The following DNAJC1 variants were observed in gnomAD, a reference collection of about 807,000 sequenced individuals.
DNAJC1 encodes the protein dnaJ homolog subfamily C member 1.
DNAJC1 carries 58 observed loss-of-function variants against 76.6 expected under a neutral mutation model. The ratio of observed to expected loss-of-function variants is 0.76; its 90% confidence interval spans 0.61 to 0.94. DNAJC1 has a LOEUF of 0.94. Among genes scored for constraint, DNAJC1 ranks in the 40% least tolerant of loss-of-function variants. The pLI is 0.00. For synonymous variants in DNAJC1, 258 were observed against 267.9 expected (o/e 0.96, Z 0.36); for missense variants, 689 against 677.3 (o/e 1.02, Z -0.19).
chr10:21,846,419 T>C (rs1835659635), intron 8 of DNAJC1, among the ~76,000 whole-genome samples: 2 of 152,156 alleles, frequency 1.3e-5, no homozygotes, highest in Non-Finnish European at 2.9e-5. Flanking sequence ...ACCAGGTATC[T>C]GGACCATCCC....
chr10:21,927,194 AC>A (rs1426836822), intron 3 of DNAJC1, among the ~76,000 whole-genome samples: 2 of 152,182 alleles, frequency 1.3e-5, no homozygotes, highest in Non-Finnish European at 2.9e-5. Flanking sequence ...TGGTATCTGG[AC>A]CAATGCCAGC....
chr10:21,995,448 A>G (rs1564848342), intron 1 of DNAJC1, among the ~76,000 whole-genome samples: 1 of 152,208 alleles, frequency 6.6e-6, no homozygotes, highest in Non-Finnish European at 1.5e-5. Flanking sequence ...TTAACCAAGG[A>G]AATTACGTCA....
intron 7 of DNAJC1, among the ~76,000 whole-genome samples, chr10:21,893,238 A>C (rs1836486018): frequency 6.6e-6 from 1 of 152,212 alleles, no homozygotes; most frequent in South Asian, 2.1e-4. Flanking sequence ...AACGTCTCTG[A>C]ACATTTGGAA....
chr10:21,767,183 G>A (rs969986830), intron 9 of DNAJC1, among the ~76,000 whole-genome samples: 2 of 152,162 alleles, frequency 1.3e-5, no homozygotes, highest in East Asian at 3.8e-4. Flanking sequence ...AAGAGCATCT[G>A]AGATTGACAT....
chr10:21,888,439 T>C (rs1836403967), intron 7 of DNAJC1, among the ~76,000 whole-genome samples: 1 of 152,192 alleles, frequency 6.6e-6, no homozygotes, highest in Admixed American at 6.5e-5. Flanking sequence ...TGCACACAGA[T>C]GTTCAATGCA....
At chr10:21,978,068 T>C (rs1838093042) in intron 1 of DNAJC1, among the ~76,000 whole-genome samples, 1 of 152,160 alleles carries the variant, frequency 6.6e-6, no homozygotes, top group Admixed American at 6.5e-5. Context: ...TAAGCTTCAA[T>C]AGTTTCTCTT....
intron 1 of DNAJC1, among the ~76,000 whole-genome samples, chr10:22,002,662 A>C (rs964556432): frequency 3.9e-5 from 6 of 152,266 alleles, no homozygotes; most frequent in Admixed American, 3.3e-4. Flanking sequence ...GACGAAGTAC[A>C]AAGTAAGAAA....
At chr10:21,946,624 A>G (rs539022545) in intron 1 of DNAJC1, among the ~76,000 whole-genome samples, 68 of 152,338 alleles carry the variant, frequency 4.5e-4, no homozygotes, top group African/African-American at 1.5e-3. Flanking sequence ...AAAGCTGAAC[A>G]TACACAAACC....
At chr10:21,920,658 T>C in intron 4 of DNAJC1, 140 bp downstream of exon 4, 1 of 654,862 alleles carries the variant, frequency 1.5e-6, no homozygotes, top group Non-Finnish European at 2.2e-6. Context: ...CTTAGAAATA[T>C]GTCAAACATT....
Position 21,941,412 on chromosome 10 carries a change from G to A in DNAJC1, c.223-12271C>T, listed in dbSNP as rs530456795. 3.7e-4 allele frequency among the ~76,000 whole-genome samples: 56 copies of A among 151,904 alleles called. 1 individual carries two copies. Among genetic ancestry groups the A allele is most frequent in the African/African-American group, 1.3e-3 (53 of 41,432 alleles). ...ATCTGAATAAAGACTGCTACTAGACGCTGTTAAGGAATTATTCATTATATT... is the reference window on the plus strand; with the variant it reads ...ATCTGAATAAAGACTGCTACTAGACACTGTTAAGGAATTATTCATTATATT... On this transcript the variant is annotated intron_variant, in intron 1 of 11. Transcript: ENST00000376980.
intron 9 of DNAJC1, among the ~76,000 whole-genome samples, chr10:21,794,821 G>T (rs1421444365): frequency 6.6e-6 from 1 of 151,956 alleles, no homozygotes; most frequent in Non-Finnish European, 1.5e-5. Context: ...TCATATATTT[G>T]ATGAAAGACT....
At chr10:21,856,754 G>C (rs1321657784) in intron 8 of DNAJC1, among the ~76,000 whole-genome samples, 1 of 148,032 alleles carries the variant, frequency 6.8e-6, no homozygotes, top group East Asian at 2.0e-4. Flanking sequence ...TTTTTTTTTT[G>C]AGACAGAGTC....
At position 21,805,950 on chromosome 10, in the gene DNAJC1, T is replaced by C. The variant is rs537567363; in HGVS notation, c.1098+30A>G. 5.0e-6 allele frequency: 8 copies of C among 1,610,854 alleles called. No individual in the cohort carries two copies. The South Asian group carries it at 8.8e-5, about 18-fold the overall frequency. On this transcript the variant is annotated intron_variant, in intron 9 of 11. Transcript: ENST00000376980. ...TAGCTGACTTGTTCTGGTTTCTCTC[T>C]CTATACAATGCAAATCTCAGTGAAC...
At chr10:21,790,335 A>T (rs1834669273) in intron 9 of DNAJC1, among the ~76,000 whole-genome samples, 1 of 152,056 alleles carries the variant, frequency 6.6e-6, no homozygotes, top group South Asian at 2.1e-4. Flanking sequence ...GATTCAACTC[A>T]AAAAGATCCT....
rs1177518846 is a variant in DNAJC1 at position 21,827,102 on chromosome 10, TTTAAG to T, written c.979-21008_979-21004del. On this transcript the variant is annotated intron_variant, in intron 8 of 11. Coordinates refer to ENST00000376980, the MANE Select transcript of DNAJC1 (RefSeq NM_022365.4). Reference sequence around the variant, plus strand: ...TGAACATAAGACGGTTTTCCATTTATTTAAGTTTTCTTTAATTTCTTTCAGCAATG... The same window carrying T: ...TGAACATAAGACGGTTTTCCATTTATTTTTCTTTAATTTCTTTCAGCAATG... Among the ~76,000 whole-genome samples, 5 of 152,170 alleles carry T rather than the reference TTTAAG, an allele frequency of 3.3e-5. No individual in the cohort carries two copies. The East Asian group carries it at 7.7e-4, about 23-fold the overall frequency.
Position 21,849,884 on chromosome 10 carries a change from A to G in DNAJC1, c.978+32398T>C, listed in dbSNP as rs192204276. 3.4e-4 allele frequency among the ~76,000 whole-genome samples: 52 copies of G among 152,282 alleles called. 1 individual carries two copies. The highest frequency in any genetic ancestry group is 2.7e-3 in the Admixed American group (42 of 15,300). The stretch of plus-strand genomic sequence containing the variant: ...AAAAAAACCACACATGATCATCTCA[A>G]TTGATGCAGAAAAACATTTGACAAA... On this transcript the variant is annotated intron_variant, in intron 8 of 11. Coordinates refer to ENST00000376980, the MANE Select transcript of DNAJC1 (RefSeq NM_022365.4).
At chr10:21,798,591 C>T (rs1834775390) in intron 9 of DNAJC1, among the ~76,000 whole-genome samples, 2 of 152,210 alleles carry the variant, frequency 1.3e-5, no homozygotes, top group Admixed American at 6.5e-5. Context: ...GACAACCTTG[C>T]TCCTTCACTT....
chr10:21,837,084 T>C (rs1433742230), intron 8 of DNAJC1, among the ~76,000 whole-genome samples: 1 of 152,226 alleles, frequency 6.6e-6, no homozygotes, highest in African/African-American at 2.4e-5. Context: ...CTGGTATTCG[T>C]ATTTTTTTGG....
At chr10:21,905,638 A>G (rs1034296060) in intron 6 of DNAJC1, among the ~76,000 whole-genome samples, 7 of 152,176 alleles carry the variant, frequency 4.6e-5, no homozygotes, top group African/African-American at 1.2e-4. Flanking sequence ...AACTGCTTGT[A>G]TCATGTTATA....
Sources: gnomAD v4.1 joint callset for allele counts (sites outside exome capture counted in the v4.1 genomes callset) on GRCh38, gnomAD v4.1.1 for gene constraint, MANE v1.5 for transcripts, NCBI Gene and HGNC (gene_info 2026-07-23, HGNC 2026-07-21) for gene names.